Variants in FAM72A observed in about 807,000 individuals in gnomAD.
FAM72A encodes the protein protein FAM72A.
Under a neutral mutation model 11.3 loss-of-function variants are expected in FAM72A, and 1 was observed. That is an observed-to-expected ratio of 0.09 (90% confidence interval 0.03 to 0.42). The LOEUF is 0.42. Among genes scored for constraint, FAM72A ranks in the 10% least tolerant of loss-of-function variants. The probability of loss-of-function intolerance (pLI) is 0.98; values close to 1 mark genes in which losing one functional copy is unlikely to be tolerated. For missense variants in FAM72A, 15 were observed against 135.5 expected, an observed-to-expected ratio of 0.11 and a Z score of 4.41; for synonymous variants, 5 against 46.9, an observed-to-expected ratio of 0.11 and a Z score of 3.65.
At chr1:206,198,792 G>A (rs1368493011) in intron 2 of FAM72A, among the ~76,000 whole-genome samples, 2 of 141,938 alleles carry the variant, frequency 1.4e-5, no homozygotes, top group Non-Finnish European at 3.1e-5. Flanking sequence ...CAGAATGGCT[G>A]GGTGGGGTGG....
At chr1:206,192,977 G>A (rs1239475589) in intron 3 of FAM72A, among the ~76,000 whole-genome samples, 1 of 150,412 alleles carries the variant, frequency 6.6e-6, no homozygotes, top group Non-Finnish European at 1.5e-5. Context: ...GCAATGGCAT[G>A]ATCTTGGCTC....
At chr1:206,196,162 C>T (rs1400295233) in intron 2 of FAM72A, among the ~76,000 whole-genome samples, 1 of 138,232 alleles carries the variant, frequency 7.2e-6, no homozygotes, top group Non-Finnish European at 1.6e-5. Context: ...GGAGTGCCTG[C>T]AACCTCCGCC....
upstream of FAM72A, chr1:206,203,789 C>T (rs1665564390): frequency 6.5e-7 from 1 of 1,529,312 alleles, no homozygotes. Flanking sequence ...GCCCGGAATC[C>T]CTCAGACCGC....
At position 206,187,242 on chromosome 1, in the gene FAM72A, GA is replaced by G. The variant is rs1189928388; in HGVS notation, c.*36del. 6.1e-6 allele frequency: 9 copies of G among 1,467,824 alleles called. No homozygotes were observed. The African/African-American group carries it at 1.3e-4, about 21-fold the overall frequency. 90.9% of individuals were successfully genotyped at this position (1,467,824 alleles called of 1,614,324 possible). A position where few individuals can be genotyped will look rare whatever the true frequency, so the allele number is the denominator to read the frequency against. On this transcript the variant is annotated 3_prime_UTR_variant, in exon 4 of 4. Coordinates refer to ENST00000367128, the MANE Select transcript of FAM72A (RefSeq NM_001123168.3). Reference sequence around the variant, plus strand: ...TGATCCATTAATATATTTTTAAATAGAAAAAAGTTTGTATATCATATATATC... The same window carrying G: ...TGATCCATTAATATATTTTTAAATAGAAAAAGTTTGTATATCATATATATC...
chr1:206,198,715 T>C (rs1665202412), intron 2 of FAM72A, among the ~76,000 whole-genome samples: 1 of 150,710 alleles, frequency 6.6e-6, no homozygotes, highest in Non-Finnish European at 1.5e-5. Context: ...TTAACATTCA[T>C]ATTTGCTCTT....
upstream of FAM72A, chr1:206,205,549 T>TC (rs1665841558): frequency 7.8e-6 from 1 of 127,472 alleles, no homozygotes; most frequent in African/African-American, 3.8e-5. Flanking sequence ...CGCCCAGCCC[T>TC]CCCCCGGCAC....
At chr1:206,200,839 A>T (rs1161407693) in intron 1 of FAM72A, among the ~76,000 whole-genome samples, 3 of 124,702 alleles carry the variant, frequency 2.4e-5, no homozygotes, top group African/African-American at 9.7e-5. Flanking sequence ...GCTGTTAGAC[A>T]TGATTACACT....
intron 3 of FAM72A, 58 bp from the exon 4 acceptor site, chr1:206,187,431 C>T (rs1165209163): frequency 8.2e-6 from 13 of 1,587,066 alleles, no homozygotes; most frequent in Middle Eastern, 2.3e-4. Context: ...ACTCAGAACA[C>T]GAATTACGAA....
At chr1:206,203,672 C>G (rs1266446788), upstream of FAM72A, 5 of 714,170 alleles carry the variant, frequency 7.0e-6, no homozygotes, top group Non-Finnish European at 1.2e-5. Flanking sequence ...TTCCCTCTTC[C>G]TTTTCTTCCT....
chr1:206,189,534 G>A (rs1414728849), intron 3 of FAM72A, among the ~76,000 whole-genome samples: 1 of 134,104 alleles, frequency 7.5e-6, no homozygotes, highest in African/African-American at 3.3e-5. Context: ...AGGAAGAACT[G>A]TAAGGAATTG....
chr1:206,196,138 T>A (rs1445170028), intron 2 of FAM72A, among the ~76,000 whole-genome samples: 1 of 145,680 alleles, frequency 6.9e-6, no homozygotes, highest in Non-Finnish European at 1.5e-5. Context: ...AGTTTTGCTC[T>A]TGTCACCCAG....
intron 2 of FAM72A, among the ~76,000 whole-genome samples, chr1:206,197,944 G>A (rs1352822805): frequency 6.8e-6 from 1 of 147,738 alleles, no homozygotes; most frequent in Non-Finnish European, 1.5e-5. Context: ...TCGTTGCCCA[G>A]GTGCGGTGGC....
At chr1:206,189,204 C>T (rs1348258541) in intron 3 of FAM72A, among the ~76,000 whole-genome samples, 3 of 151,864 alleles carry the variant, frequency 2.0e-5, no homozygotes, top group Non-Finnish European at 4.4e-5. Flanking sequence ...GTTGCAAATA[C>T]AGCCCATTGC....
At chr1:206,190,883 A>G (rs1288209425) in intron 3 of FAM72A, among the ~76,000 whole-genome samples, 1 of 151,502 alleles carries the variant, frequency 6.6e-6, no homozygotes, top group Non-Finnish European at 1.5e-5. Context: ...AAAAAAAAAA[A>G]AAAGTTCCTT....
intron 2 of FAM72A, among the ~76,000 whole-genome samples, chr1:206,196,434 C>T (rs1312437422): frequency 3.0e-5 from 2 of 66,062 alleles, no homozygotes; most frequent in African/African-American, 1.3e-4. Context: ...TTCTAGATGC[C>T]ATAATGTTGT....
chr1:206,203,211 C>G (rs1553299655), upstream of FAM72A: 2 of 335,404 alleles, frequency 6.0e-6, no homozygotes, highest in African/African-American at 4.2e-5. Context: ...GTTAAAACTC[C>G]CCGCAACACC....
intron 3 of FAM72A, among the ~76,000 whole-genome samples, chr1:206,187,757 A>T (rs1230639082): frequency 6.7e-6 from 1 of 149,806 alleles, no homozygotes; most frequent in African/African-American, 2.5e-5. Flanking sequence ...ACAGGTTCCC[A>T]CTATGTTGCC....
intron 3 of FAM72A, among the ~76,000 whole-genome samples, chr1:206,193,604 T>C (rs1162370943): frequency 6.6e-6 from 1 of 152,202 alleles, no homozygotes; most frequent in Middle Eastern, 3.2e-3. Flanking sequence ...AAGGATAGGC[T>C]GAATCTCTTG....
rs1256680720 is a variant in FAM72A, at chr1:206,187,023, C to T, written c.*256G>A. The T allele has an allele frequency of 4.9e-6, 2 of 407,526 alleles. No individual in the cohort carries two copies. Among genetic ancestry groups the T allele is most frequent in the Non-Finnish European group, 8.6e-6 (2 of 233,382 alleles). 25.2% of individuals were successfully genotyped at this position (407,526 alleles called of 1,614,324 possible). A position where few individuals can be genotyped will look rare whatever the true frequency, so the allele number is the denominator to read the frequency against. The stretch of plus-strand genomic sequence containing the variant: ...GAGTGATATGTGAAAGAATCTTCCC[C>T]TGTCTGAATTTAAGAATACACCTAC... On this transcript the variant is annotated 3_prime_UTR_variant, in exon 4 of 4. Coordinates refer to ENST00000367128, the MANE Select transcript of FAM72A (RefSeq NM_001123168.3).
Sources: allele counts gnomAD v4.1 joint callset (sites outside exome capture counted in the v4.1 genomes callset), GRCh38; gene constraint gnomAD v4.1.1; transcripts MANE v1.5; gene names NCBI Gene and HGNC (gene_info 2026-07-23, HGNC 2026-07-21).